Variants in TVP23C observed in about 807,000 individuals in gnomAD.
TVP23C encodes Golgi apparatus membrane protein TVP23 homolog C.
A neutral mutation model predicts 28.7 loss-of-function variants in TVP23C; 19 were observed. That is an observed-to-expected ratio of 0.66 (90% CI 0.46 to 0.97). The LOEUF is 0.97. Ranked by LOEUF, TVP23C falls within the 50% of genes least tolerant of loss-of-function variation. The pLI is 0.00. For missense variants in TVP23C, 186 were observed against 241.3 expected, an observed-to-expected ratio of 0.77 and a Z score of 1.52; for synonymous variants, 68 against 81.7, an observed-to-expected ratio of 0.83 and a Z score of 0.90.
chr17:15,517,880 G>A (rs1982299021), intron 5 of TVP23C, among the ~76,000 whole-genome samples: 1 of 152,106 alleles, frequency 6.6e-6, no homozygotes. Flanking sequence ...AATGTTCCCA[G>A]CCTCAGCCAG....
intron 2 of TVP23C, among the ~76,000 whole-genome samples, chr17:15,554,471 T>C (rs1984041324): frequency 2.0e-5 from 3 of 152,302 alleles, no homozygotes; most frequent in African/African-American, 7.2e-5. Flanking sequence ...TCTCCTGACC[T>C]CGTGATCCAC....
chr17:15,515,717 G>A (rs946474215), intron 5 of TVP23C, among the ~76,000 whole-genome samples: 8 of 152,212 alleles, frequency 5.3e-5, no homozygotes, highest in Middle Eastern at 3.4e-3. Flanking sequence ...CTTTCACCAC[G>A]CGCTTCCCTT....
downstream of TVP23C, among the ~76,000 whole-genome samples, chr17:15,532,392 G>T (rs2532479): frequency 9.9e-5 from 15 of 151,928 alleles, no homozygotes; most frequent in Admixed American, 7.9e-4. Context: ...GGGATGGGGC[G>T]TCTTGGATAA....
intron 5 of TVP23C, chr17:15,503,412 A>G: frequency 1.3e-6 from 1 of 759,424 alleles, no homozygotes; most frequent in Admixed American, 3.4e-5. Context: ...TATTTCAAGA[A>G]AAGTCCTTGA....
At chr17:15,526,612 AACTC>A (rs1982738272) in intron 5 of TVP23C, among the ~76,000 whole-genome samples, 1 of 152,220 alleles carries the variant, frequency 6.6e-6, no homozygotes, top group Admixed American at 6.5e-5. Context: ...ATTTAGTCCT[AACTC>A]ACCACTTGTA....
chr17:15,563,067 G>A (rs1309107484), intron 1 of TVP23C: 1 of 320,824 alleles, frequency 3.1e-6, no homozygotes, highest in East Asian at 4.9e-5. Flanking sequence ...CGGTGTCGCC[G>A]ATTCCTACAA....
chr17:15,561,555 C>T (rs571492922), intron 1 of TVP23C, among the ~76,000 whole-genome samples: 1 of 152,088 alleles, frequency 6.6e-6, no homozygotes, highest in South Asian at 2.1e-4. Context: ...GCCGAGATCA[C>T]ACCATTGTAC....
chr17:15,544,369 C>T (rs1983551723), intron 5 of TVP23C, among the ~76,000 whole-genome samples: 1 of 152,022 alleles, frequency 6.6e-6, no homozygotes, highest in South Asian at 2.1e-4. Flanking sequence ...GACTGAACAA[C>T]CAGTAAGAAA....
chr17:15,520,258 C>T (rs1982416706), intron 5 of TVP23C, among the ~76,000 whole-genome samples: 1 of 151,048 alleles, frequency 6.6e-6, no homozygotes, highest in Non-Finnish European at 1.5e-5. Flanking sequence ...GACAGTTTTT[C>T]TAATCTCTAA....
intron 4 of TVP23C, among the ~76,000 whole-genome samples, 153 bp from the exon 5 acceptor site, chr17:15,546,069 C>G (rs906983316): frequency 1.3e-5 from 2 of 152,196 alleles, no homozygotes; most frequent in Non-Finnish European, 2.9e-5. Context: ...GACTATCACT[C>G]TCGTAATTTT....
At chr17:15,502,294 T>TGGGGGGGG (rs3217034) in exon 6 of TVP23C, 2 of 71,806 alleles carry the variant, frequency 2.8e-5, no homozygotes, top group African/African-American at 4.5e-5. Context: ...TAATGGGGGG[T>TGGGGGGGG]GGGGGGGCAC....
In TVP23C at chr17:15,547,001, A is replaced by G; in HGVS notation, c.330+58T>C. 1.3e-5 allele frequency: 18 copies of G among 1,389,064 alleles called. 1 individual carries two copies. In the South Asian group the frequency reaches 2.4e-4, roughly 19 times the overall value. The allele number at this position is 1,389,064 out of a possible 1,614,324, so 86.0% of individuals were successfully genotyped here. A position where few individuals can be genotyped will look rare whatever the true frequency, so the allele number is the denominator to read the frequency against. On this transcript the variant is annotated intron_variant, in intron 4 of 5. Transcript: ENST00000518321. ...GAATACTTCATCTTCCAGTATTTAAATATAGTCTACAAATAATTTAGCTGA... is the reference window on the plus strand; with the variant it reads ...GAATACTTCATCTTCCAGTATTTAAGTATAGTCTACAAATAATTTAGCTGA...
downstream of TVP23C, chr17:15,536,962 G>A: frequency 2.8e-6 from 1 of 353,682 alleles, no homozygotes; most frequent in Non-Finnish European, 3.9e-6. Context: ...AGGGTTACAT[G>A]AGATTACACA....
chr17:15,551,614 C>T (rs1326288398), intron 3 of TVP23C, among the ~76,000 whole-genome samples: 1 of 152,064 alleles, frequency 6.6e-6, no homozygotes, highest in African/African-American at 2.4e-5. Context: ...CTGCCCAGGA[C>T]AGCTTTGAAT....
At chr17:15,510,310 C>T (rs1401119213) in intron 5 of TVP23C, among the ~76,000 whole-genome samples, 1 of 152,142 alleles carries the variant, frequency 6.6e-6, no homozygotes, top group Non-Finnish European at 1.5e-5. Flanking sequence ...CAAACAACCA[C>T]ATAAAAAGTG....
intron 5 of TVP23C, among the ~76,000 whole-genome samples, chr17:15,504,986 G>A (rs1198057420): frequency 1.3e-5 from 2 of 152,060 alleles, no homozygotes; most frequent in Non-Finnish European, 1.5e-5. Context: ...CAATAAAACC[G>A]CTGTTTATTT....
At chr17:15,561,111 T>C (rs931540550) in intron 1 of TVP23C, among the ~76,000 whole-genome samples, 2 of 152,146 alleles carry the variant, frequency 1.3e-5, no homozygotes, top group African/African-American at 2.4e-5. Flanking sequence ...GTGTGAAAAT[T>C]GTCTTCCGAC....
Position 15,514,487 on chromosome 17 carries a change from T to C in TVP23C, c.463-11255A>G, listed in dbSNP as rs545696970. Among the ~76,000 whole-genome samples, 4 of 152,356 alleles carry C rather than the reference T, an allele frequency of 2.6e-5. No homozygotes were observed. In the South Asian group the frequency reaches 8.3e-4, roughly 32 times the overall value. The stretch of plus-strand genomic sequence containing the variant: ...TGTGCATGCTCTGGCATTTATTTAT[T>C]ACTTTTAAGAATGACAAAAAGGCTA... On this transcript the variant is annotated intron_variant, in intron 5 of 5. Transcript: ENST00000225576.
chr17:15,545,568 A>C (rs1983607802), intron 5 of TVP23C, among the ~76,000 whole-genome samples: 1 of 152,300 alleles, frequency 6.6e-6, no homozygotes, highest in Non-Finnish European at 1.5e-5. Flanking sequence ...AAAGACCACT[A>C]ATATCCTAGA....
Sources: allele counts gnomAD v4.1 joint callset (sites outside exome capture counted in the v4.1 genomes callset), GRCh38; gene constraint gnomAD v4.1.1; transcripts MANE v1.5; gene names NCBI Gene and HGNC (gene_info 2026-07-23, HGNC 2026-07-21).